LINGO2: variants seen among roughly 807,000 people sequenced by gnomAD.
LINGO2 encodes the protein leucine rich repeat and Ig domain containing 2.
A neutral mutation model predicts 30.6 loss-of-function variants in LINGO2; 14 were observed. The ratio of observed to expected loss-of-function variants is 0.46; its 90% CI spans 0.30 to 0.72. LINGO2 has a LOEUF of 0.72. LINGO2 is among the 30% of genes least tolerant of loss of function. The probability of loss-of-function intolerance (pLI) is 0.07; values close to 1 mark genes in which losing one functional copy is unlikely to be tolerated. For missense variants in LINGO2, 729 were observed against 751.7 expected (o/e 0.97, Z 0.35); for synonymous variants, 317 against 288.5 (o/e 1.10, Z -1.00).
the LINGO2 span, among the ~76,000 whole-genome samples, chr9:28,739,719 G>A: frequency 1.3e-5 from 2 of 151,594 alleles, no homozygotes; most frequent in Admixed American, 1.3e-4. Context: ...AAATATAAGA[G>A]TTTTTTTCTG....
intron 3 of LINGO2, among the ~76,000 whole-genome samples, chr9:28,323,510 G>A (rs1825120437): frequency 1.3e-5 from 2 of 152,140 alleles, no homozygotes; most frequent in South Asian, 4.1e-4. Flanking sequence ...TGAGGCAGGA[G>A]AATCACTTGA....
chr9:28,908,302 T>G, the LINGO2 span, among the ~76,000 whole-genome samples: 1 of 147,056 alleles, frequency 6.8e-6, no homozygotes, highest in African/African-American at 2.5e-5. Context: ...AGATATCTGG[T>G]GACCTCTTTC....
chr9:28,873,830 G>A, the LINGO2 span, among the ~76,000 whole-genome samples: 3 of 151,850 alleles, frequency 2.0e-5, no homozygotes, highest in Non-Finnish European at 4.4e-5. Context: ...CTCTGTAGAA[G>A]AGCATAATGT....
chr9:28,439,282 T>C (rs1239473027), intron 2 of LINGO2, among the ~76,000 whole-genome samples: 1 of 151,774 alleles, frequency 6.6e-6, no homozygotes, highest in East Asian at 1.9e-4. Context: ...TATGTGTGTG[T>C]GTGTGTGTTT....
intron 1 of LINGO2, among the ~76,000 whole-genome samples, chr9:28,512,516 T>C (rs563538065): frequency 1.3e-5 from 2 of 149,374 alleles, no homozygotes; most frequent in East Asian, 4.0e-4. Context: ...CCTTCTCCTG[T>C]TCTGGATTCC....
chr9:28,200,091 A>C (rs755934876), intron 4 of LINGO2, among the ~76,000 whole-genome samples: 8 of 152,148 alleles, frequency 5.3e-5, no homozygotes, highest in Non-Finnish European at 1.0e-4. Flanking sequence ...CTTTCTTCAC[A>C]ACAGGGAATT....
intron 4 of LINGO2, among the ~76,000 whole-genome samples, chr9:28,073,791 G>A (rs1159964939): frequency 2.6e-5 from 4 of 152,200 alleles, no homozygotes; most frequent in Admixed American, 2.6e-4. Context: ...CCTTTGGGGA[G>A]CTGAAGTAGG....
the LINGO2 span, among the ~76,000 whole-genome samples, chr9:29,162,554 T>C: frequency 6.6e-6 from 1 of 152,058 alleles, no homozygotes; most frequent in African/African-American, 2.4e-5. Flanking sequence ...AATAGATGAA[T>C]AAATATAAGA....
the LINGO2 span, among the ~76,000 whole-genome samples, chr9:29,203,185 T>A: frequency 1.3e-5 from 2 of 152,118 alleles, no homozygotes; most frequent in African/African-American, 4.8e-5. Flanking sequence ...ATCAAAAAGT[T>A]CTTTAGAAAG....
the LINGO2 span, among the ~76,000 whole-genome samples, chr9:29,137,093 A>G: frequency 6.6e-6 from 1 of 152,072 alleles, no homozygotes; most frequent in Non-Finnish European, 1.5e-5. Context: ...GTAGTACCTC[A>G]ATTTCTACTG....
At chr9:28,471,666 C>T (rs1180282587) in intron 2 of LINGO2, among the ~76,000 whole-genome samples, 1 of 152,084 alleles carries the variant, frequency 6.6e-6, no homozygotes, top group African/African-American at 2.4e-5. Context: ...ATAATTATTA[C>T]CAAGTGATTA....
the LINGO2 span, among the ~76,000 whole-genome samples, chr9:29,080,817 T>A: frequency 2.0e-5 from 3 of 152,128 alleles, no homozygotes; most frequent in Non-Finnish European, 4.4e-5. Flanking sequence ...GACAGTTTGT[T>A]ATAATTTCTG....
At chr9:28,863,790 G>C in the LINGO2 span, 1 of 361,878 alleles carries the variant, frequency 2.8e-6, no homozygotes, top group African/African-American at 2.1e-5. Context: ...TTTCCATCTA[G>C]TTCACAATCA....
intron 4 of LINGO2, among the ~76,000 whole-genome samples, chr9:28,063,617 G>A (rs1375990133): frequency 2.6e-5 from 4 of 151,980 alleles, no homozygotes; most frequent in African/African-American, 7.2e-5. Context: ...ACTCATACAT[G>A]GAAGAAGTAA....
chr9:28,548,463 T>C (rs1822069575), intron 1 of LINGO2, among the ~76,000 whole-genome samples: 1 of 151,966 alleles, frequency 6.6e-6, no homozygotes, highest in African/African-American at 2.4e-5. Flanking sequence ...CCCAGTACTT[T>C]GGGAGGCCGA....
At chr9:28,463,386 A>G (rs1464234162) in intron 2 of LINGO2, among the ~76,000 whole-genome samples, 2 of 152,058 alleles carry the variant, frequency 1.3e-5, no homozygotes, top group Non-Finnish European at 2.9e-5. Flanking sequence ...AAAATATATA[A>G]ATAAGTAAAA....
chr9:28,203,015 C>T (rs1252033510), intron 4 of LINGO2, among the ~76,000 whole-genome samples: 1 of 152,130 alleles, frequency 6.6e-6, no homozygotes, highest in Non-Finnish European at 1.5e-5. Flanking sequence ...TACTTAGAAC[C>T]TAATGGGTAC....
intron 2 of LINGO2, among the ~76,000 whole-genome samples, chr9:28,460,433 C>T (rs1825031721): frequency 6.6e-6 from 1 of 151,954 alleles, no homozygotes; most frequent in South Asian, 2.1e-4. Context: ...ACATATTTCC[C>T]AATACTAAAA....
the LINGO2 span, among the ~76,000 whole-genome samples, chr9:28,771,777 T>C: frequency 2.6e-5 from 4 of 152,114 alleles, no homozygotes. Flanking sequence ...AGATGCTTTA[T>C]TATTATCATT....
Sources: allele counts gnomAD v4.1 joint callset (sites outside exome capture counted in the v4.1 genomes callset), GRCh38; gene constraint gnomAD v4.1.1; transcripts MANE v1.5; gene names NCBI Gene and HGNC (gene_info 2026-07-23, HGNC 2026-07-21).